The following LGR6 variants were observed in gnomAD, a reference collection of about 807,000 sequenced individuals.
LGR6 encodes the protein leucine rich repeat containing G protein-coupled receptor 6, also known as leucine-rich repeat-containing G protein-coupled receptor 6.
LGR6 carries 45 observed loss-of-function variants against 69.4 expected under a neutral mutation model. That is an observed-to-expected ratio of 0.65 (90% CI 0.51 to 0.83). LGR6 has a LOEUF of 0.83. Among genes scored for constraint, LGR6 ranks in the 40% least tolerant of loss-of-function variants. The pLI is 0.00. For missense variants in LGR6, 1,108 were observed against 1,246.7 expected, an observed-to-expected ratio of 0.89 and a Z score of 1.68; for synonymous variants, 538 against 555.0, an observed-to-expected ratio of 0.97 and a Z score of 0.43.
At chr1:202,276,087 C>CT (rs1291430507) in intron 4 of LGR6, among the ~76,000 whole-genome samples, 7 of 152,170 alleles carry the variant, frequency 4.6e-5, no homozygotes, top group Admixed American at 1.3e-4. Context: ...GAGCGAGACT[C>CT]TGTCTCCCAA....
intron 3 of LGR6, among the ~76,000 whole-genome samples, chr1:202,230,843 A>G (rs1660974697): frequency 6.6e-6 from 1 of 152,090 alleles, no homozygotes; most frequent in South Asian, 2.1e-4. Context: ...TGGCATCTAG[A>G]AAGACTCCTG....
At chr1:202,194,801 G>A (rs1339043495) in intron 1 of LGR6, among the ~76,000 whole-genome samples, 2 of 152,138 alleles carry the variant, frequency 1.3e-5, no homozygotes, top group East Asian at 1.9e-4. Context: ...CTTCACTGGG[G>A]CCTCCTGGCT....
At chr1:202,235,017 A>G (rs1571860953) in intron 3 of LGR6, among the ~76,000 whole-genome samples, 1 of 152,192 alleles carries the variant, frequency 6.6e-6, no homozygotes, top group Non-Finnish European at 1.5e-5. Context: ...TTTTCCTCCT[A>G]TGTCTTTACC....
intron 1 of LGR6, among the ~76,000 whole-genome samples, chr1:202,224,511 C>G (rs1329274054): frequency 6.6e-6 from 1 of 152,108 alleles, no homozygotes; most frequent in Non-Finnish European, 1.5e-5. Context: ...TATTTGGCAC[C>G]AGGGACCAGT....
chr1:202,239,799 G>A (rs1662018551), intron 4 of LGR6, among the ~76,000 whole-genome samples: 1 of 152,102 alleles, frequency 6.6e-6, no homozygotes, highest in Admixed American at 6.5e-5. Context: ...ATAAGATCCT[G>A]GGCAGACTAC....
At chr1:202,287,752 G>A (rs899481080) in intron 6 of LGR6, among the ~76,000 whole-genome samples, 9 of 151,996 alleles carry the variant, frequency 5.9e-5, no homozygotes, top group African/African-American at 2.2e-4. Context: ...AAACTCCATT[G>A]GCCCCATCTT....
intron 4 of LGR6, among the ~76,000 whole-genome samples, chr1:202,272,556 C>T (rs980377981): frequency 6.6e-6 from 1 of 152,200 alleles, no homozygotes; most frequent in Non-Finnish European, 1.5e-5. Flanking sequence ...TCTGACAGAG[C>T]GGAAAGAGGC....
intron 4 of LGR6, among the ~76,000 whole-genome samples, chr1:202,265,582 A>G (rs970157992): frequency 1.3e-5 from 2 of 152,202 alleles, no homozygotes; most frequent in African/African-American, 2.4e-5. Flanking sequence ...AGGGCAGGAG[A>G]GAGGTGAACA....
intron 4 of LGR6, among the ~76,000 whole-genome samples, chr1:202,256,291 T>C (rs1403977793): frequency 6.6e-6 from 1 of 152,214 alleles, no homozygotes; most frequent in Non-Finnish European, 1.5e-5. Context: ...CCACCCAGGC[T>C]GGAGTGCAGT....
intron 5 of LGR6, among the ~76,000 whole-genome samples, chr1:202,279,340 G>A (rs1371598030): frequency 6.6e-6 from 1 of 152,158 alleles, no homozygotes; most frequent in Non-Finnish European, 1.5e-5. Flanking sequence ...ACAGACAGAA[G>A]CTTTAAATCC....
intron 4 of LGR6, among the ~76,000 whole-genome samples, chr1:202,271,659 T>G (rs545188158): frequency 4.6e-5 from 7 of 151,882 alleles, no homozygotes; most frequent in Non-Finnish European, 1.0e-4. Flanking sequence ...TACAAAAAAA[T>G]TAGCCGGGCT....
At chr1:202,305,871 T>C in intron 12 of LGR6, 122 bp downstream of exon 12, 1 of 818,192 alleles carries the variant, frequency 1.2e-6, no homozygotes, top group Non-Finnish European at 2.1e-6. Context: ...CTTCCTTCTC[T>C]TTTCTGAGTT....
intron 14 of LGR6, 138 bp from the exon 15 acceptor site, chr1:202,308,913 C>T: frequency 9.8e-7 from 1 of 1,025,614 alleles, no homozygotes. Context: ...ATTCAATGCT[C>T]TCTTCTAAGC....
At position 202,194,003 on chromosome 1, in the gene LGR6, C is replaced by G; in HGVS notation, c.14C>G (p.Pro5Arg). Reference sequence around the variant, plus strand: ...CCGACCGCCGAGATGCCCAGCCCGCCGGGGCTCCGGGCGCTATGGCTTTGC... The same window carrying G: ...CCGACCGCCGAGATGCCCAGCCCGCGGGGGCTCCGGGCGCTATGGCTTTGC... Reference protein sequence around the residue: MPSPPGLRALWLCAA... With the variant: MPSPRGLRALWLCAA... Residue 5 changes from proline (P) to arginine (R), a missense_variant, in exon 1 of 18, where the codon CCG becomes CGG. Transcript: ENST00000367278. The G allele has an allele frequency of 7.3e-7, 1 of 1,377,046 alleles. No homozygotes were observed. The highest frequency in any genetic ancestry group is 9.4e-7 in the Non-Finnish European group (1 of 1,067,952). 85.3% of individuals were successfully genotyped at this position (1,377,046 alleles called of 1,614,324 possible).
intron 4 of LGR6, among the ~76,000 whole-genome samples, chr1:202,245,411 T>C (rs1662572861): frequency 6.6e-6 from 1 of 152,144 alleles, no homozygotes; most frequent in Admixed American, 6.5e-5. Flanking sequence ...GGCCAGGGGA[T>C]CAGGGGTGAT....
In LGR6 at chr1:202,314,209, C is replaced by T. The variant is rs538969273; in HGVS notation, c.1568-593C>T. 1.2e-4 allele frequency among the ~76,000 whole-genome samples: 19 copies of T among 152,298 alleles called. No individual in the cohort carries two copies. The East Asian group carries it at 3.5e-3, about 28-fold the overall frequency. ...CAAAACAGCATGTAGAAGTCAAATT[C>T]CTTTACCCCTAACAGTCCTTCAGCC... On this transcript the variant is annotated intron_variant, in intron 16 of 17. Coordinates refer to ENST00000367278, the MANE Select transcript of LGR6 (RefSeq NM_001017403.2).
chr1:202,307,866 G>A (rs1653376924), intron 14 of LGR6, among the ~76,000 whole-genome samples: 1 of 152,194 alleles, frequency 6.6e-6, no homozygotes, highest in South Asian at 2.1e-4. Flanking sequence ...TACATAGGAT[G>A]TAAACAGAGA....
At chr1:202,313,093 G>A (rs1653869986) in intron 16 of LGR6, among the ~76,000 whole-genome samples, 1 of 152,106 alleles carries the variant, frequency 6.6e-6, no homozygotes, top group Admixed American at 6.5e-5. Flanking sequence ...CAGGCGTGGT[G>A]GCGGGCGCCT....
At chr1:202,308,305 G>T (rs1186605259) in intron 14 of LGR6, among the ~76,000 whole-genome samples, 1 of 152,168 alleles carries the variant, frequency 6.6e-6, no homozygotes, top group Non-Finnish European at 1.5e-5. Flanking sequence ...TAGGTAGGGT[G>T]GATATTTTTA....
Sources: gnomAD v4.1 joint callset for allele counts (sites outside exome capture counted in the v4.1 genomes callset) on GRCh38, gnomAD v4.1.1 for gene constraint, MANE v1.5 for transcripts, NCBI Gene and HGNC (gene_info 2026-07-23, HGNC 2026-07-21) for gene names.